The following FBXL13 variants were observed in gnomAD, a reference collection of about 807,000 sequenced individuals.
FBXL13 encodes the protein F-box and leucine-rich repeat protein 13.
A neutral mutation model predicts 83.6 loss-of-function variants in FBXL13; 67 were observed. That is an observed-to-expected ratio of 0.80 (90% confidence interval 0.66 to 0.98). The LOEUF (loss-of-function observed/expected upper bound fraction) is 0.98. Ranked by LOEUF, FBXL13 falls within the 50% of genes least tolerant of loss-of-function variation. The pLI, the probability that FBXL13 is intolerant of heterozygous loss-of-function variation, is 0.00. For synonymous variants in FBXL13, 272 were observed against 299.5 expected (o/e 0.91, Z 0.95); for missense variants, 822 against 866.5 (o/e 0.95, Z 0.64).
chr7:102,970,715 G>C (rs1826547088), intron 6 of FBXL13, among the ~76,000 whole-genome samples: 1 of 152,138 alleles, frequency 6.6e-6, no homozygotes, highest in Non-Finnish European at 1.5e-5. Flanking sequence ...TAAAACTCTT[G>C]AGACAAATGT....
chr7:102,903,939 C>CTTTTCTTTTTTTTT (rs1321420603), intron 11 of FBXL13, among the ~76,000 whole-genome samples: 5 of 43,464 alleles, frequency 1.2e-4, no homozygotes, highest in South Asian at 1.1e-3. Flanking sequence ...CTTTTCTTTT[C>CTTTTCTTTTTTTTT]TTTTTTTTTT....
exon 18 of FBXL13, chr7:102,832,954 C>G (rs1435198796): frequency 6.2e-7 from 1 of 1,614,044 alleles, no homozygotes; most frequent in African/African-American, 1.3e-5. Context: ...GTTCCAAGAT[C>G]AGTGAGCTTT....
At chr7:102,946,782 C>T (rs944149352) in intron 8 of FBXL13, among the ~76,000 whole-genome samples, 1 of 152,026 alleles carries the variant, frequency 6.6e-6, no homozygotes, top group African/African-American at 2.4e-5. Context: ...TCAAGCGATT[C>T]TCCTGCCTCA....
intron 8 of FBXL13, among the ~76,000 whole-genome samples, chr7:102,951,102 G>T (rs1395188203): frequency 1.3e-5 from 2 of 152,086 alleles, no homozygotes; most frequent in African/African-American, 4.8e-5. Flanking sequence ...TGTATGTGTG[G>T]GGGAAGGAGG....
intron 11 of FBXL13, among the ~76,000 whole-genome samples, chr7:102,905,579 T>G (rs1435009546): frequency 6.6e-6 from 1 of 152,168 alleles, no homozygotes. Context: ...ATTCTATATC[T>G]TTTCATTGGA....
chr7:102,866,368 T>C (rs1258383241), intron 16 of FBXL13, among the ~76,000 whole-genome samples: 2 of 152,154 alleles, frequency 1.3e-5, no homozygotes, highest in Admixed American at 6.5e-5. Context: ...TATCACTAGC[T>C]TGATGGGACC....
intron 8 of FBXL13, among the ~76,000 whole-genome samples, chr7:102,952,033 C>T (rs1362332399): frequency 3.3e-5 from 5 of 152,022 alleles, no homozygotes; most frequent in African/African-American, 1.2e-4. Flanking sequence ...GAAATGCTGA[C>T]ACATGCTAAA....
chr7:102,825,674 C>T (rs1236311927), intron 18 of FBXL13, among the ~76,000 whole-genome samples: 1 of 152,106 alleles, frequency 6.6e-6, no homozygotes, highest in Non-Finnish European at 1.5e-5. Flanking sequence ...ATATAAGGAC[C>T]AGTTTCACTG....
At chr7:102,844,170 C>G (rs1205622680) in intron 17 of FBXL13, among the ~76,000 whole-genome samples, 1 of 152,234 alleles carries the variant, frequency 6.6e-6, no homozygotes, top group African/African-American at 2.4e-5. Context: ...AGCAGATGAA[C>G]TGTCTCTGTT....
In FBXL13 at chr7:102,826,356, G is replaced by A. The variant is rs190051809; in HGVS notation, c.1855-4153C>T. 1.8e-4 allele frequency among the ~76,000 whole-genome samples: 27 copies of A among 152,158 alleles called. 1 individual carries two copies. Among genetic ancestry groups the A allele is most frequent in the Admixed American group, 1.7e-3 (26 of 15,288 alleles). On this transcript the variant is annotated intron_variant, in intron 18 of 19. Coordinates refer to ENST00000313221, the Ensembl canonical transcript of FBXL13. ...CAGTAAGAAATAATGTGCTTTAAAG[G>A]TCAGGCCAAAAAGAGAGTCCAAGTT...
chr7:102,942,400 T>C, intron 8 of FBXL13: 2 of 1,399,856 alleles, frequency 1.4e-6, no homozygotes, highest in Middle Eastern at 1.8e-4. Flanking sequence ...ATAACAATCA[T>C]ATAAAATGCC....
chr7:102,852,912 G>A (rs940035588), intron 17 of FBXL13, among the ~76,000 whole-genome samples: 2 of 152,128 alleles, frequency 1.3e-5, no homozygotes, highest in Admixed American at 6.5e-5. Flanking sequence ...AGCACAATTC[G>A]CAATTGCAAA....
intron 6 of FBXL13, among the ~76,000 whole-genome samples, chr7:102,999,329 T>C (rs1585298130): frequency 6.6e-6 from 1 of 152,166 alleles, no homozygotes; most frequent in African/African-American, 2.4e-5. Context: ...TGCTAGTATT[T>C]TATCGAAGAT....
intron 6 of FBXL13, among the ~76,000 whole-genome samples, chr7:103,008,850 G>A (rs1045110295): frequency 6.6e-6 from 1 of 152,092 alleles, no homozygotes; most frequent in Non-Finnish European, 1.5e-5. Context: ...GAGCCACCGC[G>A]CCCAGCTTAT....
chr7:102,913,260 T>C, intron 10 of FBXL13, 45 bp from the exon 12 acceptor site: 1 of 1,610,270 alleles, frequency 6.2e-7, no homozygotes, highest in African/African-American at 1.3e-5. Flanking sequence ...ACTTCCGTTG[T>C]TCTCTCAAAT....
chr7:102,931,947 G>C lies in FBXL13; in HGVS notation c.725-14C>G, dbSNP rs547496372. On this transcript the variant is annotated splice_polypyrimidine_tract_variant and intron_variant, in intron 8 of 19. Transcript: ENST00000313221. ...TCCTACAGTGGCCTAAATCAAATAA[G>C]TTACACGTCACTAAACTACATATTG... 1.2e-6 allele frequency: 2 copies of C among 1,612,038 alleles called. No homozygotes were observed. Among genetic ancestry groups the C allele is most frequent in the Non-Finnish European group, 1.7e-6 (2 of 1,178,862 alleles).
At chr7:102,952,329 A>G (rs1465955844) in intron 8 of FBXL13, among the ~76,000 whole-genome samples, 5 of 152,218 alleles carry the variant, frequency 3.3e-5, no homozygotes, top group Admixed American at 6.5e-5. Flanking sequence ...TGAACACATA[A>G]AAGTGGTTAA....
At chr7:102,894,825 T>C (rs1354541513) in intron 11 of FBXL13, among the ~76,000 whole-genome samples, 1 of 151,690 alleles carries the variant, frequency 6.6e-6, no homozygotes, top group Admixed American at 6.6e-5. Flanking sequence ...TTTAAAGAAA[T>C]ATCAGACTTG....
At chr7:102,964,960 G>A (rs1307660938) in intron 7 of FBXL13, among the ~76,000 whole-genome samples, 1 of 152,126 alleles carries the variant, frequency 6.6e-6, no homozygotes, top group Non-Finnish European at 1.5e-5. Context: ...AACTCAGAAA[G>A]AGAAAATCTA....
Sources: allele counts gnomAD v4.1 joint callset (sites outside exome capture counted in the v4.1 genomes callset), GRCh38; gene constraint gnomAD v4.1.1; transcripts MANE v1.5; gene names NCBI Gene and HGNC (gene_info 2026-07-23, HGNC 2026-07-21).